CELSR1: variants seen among roughly 807,000 people sequenced by gnomAD.
CELSR1 encodes cadherin EGF LAG seven-pass G-type receptor 1.
Under a neutral mutation model 249.1 loss-of-function variants are expected in CELSR1, and 110 were observed. That is an observed-to-expected ratio of 0.44 (90% confidence interval 0.38 to 0.52). The LOEUF (loss-of-function observed/expected upper bound fraction) is 0.52, where lower values mean the gene tolerates loss of function less well. Ranked by LOEUF, CELSR1 falls within the 20% of genes least tolerant of loss-of-function variation. CELSR1 has a pLI of 0.00. For synonymous variants in CELSR1, 2,113 were observed against 1,900.0 expected, an observed-to-expected ratio of 1.11 and a Z score of -2.92; for missense variants, 4,109 against 4,296.4, an observed-to-expected ratio of 0.96 and a Z score of 1.22.
intron 2 of CELSR1, among the ~76,000 whole-genome samples, chr22:46,456,640 G>C (rs1212876238): frequency 7.1e-6 from 1 of 140,948 alleles, no homozygotes; most frequent in South Asian, 2.3e-4. Flanking sequence ...TTCAGCCTGG[G>C]CGACAGAGCG....
At chr22:46,420,150 A>G (rs543688029) in intron 5 of CELSR1, among the ~76,000 whole-genome samples, 1 of 150,034 alleles carries the variant, frequency 6.7e-6, no homozygotes, top group East Asian at 2.0e-4. Flanking sequence ...ACCCACTCAA[A>G]TGTGCCCTCA....
rs1193492287 is a variant in CELSR1 at position 46,429,897 on chromosome 22, C to G, written c.4611+3496G>C. Among the ~76,000 whole-genome samples the G allele has an allele frequency of 6.6e-6, 1 of 152,258 alleles. No individual in the cohort carries two copies. Among genetic ancestry groups the G allele is most frequent in the Admixed American group, 6.5e-5 (1 of 15,290 alleles). ...ACTGCCTCCAGCCCTGGGTCCCACA[C>G]CGCCTCTCATGGATGCCCCATGCCC... On this transcript the variant is annotated intron_variant, in intron 5 of 34. Transcript: ENST00000674500. The surrounding 1 kb of genome is among the most constrained non-coding windows in gnomAD (Gnocchi z 4.1).
chr22:46,454,430 C>T lies in CELSR1; in HGVS notation c.4183+9277G>A, dbSNP rs529095662. On this transcript the variant is annotated intron_variant, in intron 2 of 34. Coordinates refer to ENST00000674500, the MANE Select transcript of CELSR1 (RefSeq NM_001378328.1). This position sits in a 1 kb window ranked among gnomAD's most constrained non-coding sequence, Gnocchi z 5.1. ...GCAGAAGCAGCATCCCTCCAGTGCACGCACAGACGCCCATGACCCGCAGCC... is the reference window on the plus strand; with the variant it reads ...GCAGAAGCAGCATCCCTCCAGTGCATGCACAGACGCCCATGACCCGCAGCC... 1.3e-5 allele frequency among the ~76,000 whole-genome samples: 2 copies of T among 152,342 alleles called. No homozygotes were observed. The highest frequency in any genetic ancestry group is 1.9e-4 in the East Asian group (1 of 5,186).
In CELSR1 at chr22:46,397,727, G is replaced by T. The variant is rs369237672; in HGVS notation, c.5648C>A (p.Pro1883His). 3.8e-6 allele frequency: 6 copies of T among 1,588,496 alleles called. No homozygotes were observed. The African/African-American group carries it at 6.7e-5, about 18-fold the overall frequency. Residue 1883 changes from proline (P) to histidine (H), a missense_variant, in exon 12 of 35, where the codon CCC (proline) becomes CAC (histidine). By Grantham distance (77) the Pro-to-His change is moderately conservative (BLOSUM62 -2). Around this residue, in one of 7 missense-constraint regions of CELSR1, gnomAD observed 1,805 missense variants for 1,831.6 expected, o/e 0.99. Transcript: ENST00000674500. Reference sequence around the variant, plus strand: ...CCAGGCGTCGTGGCAGCGGCTATTGGGGGGACAGGGGCTCGAGGTACAGGG... The same window carrying T: ...CCAGGCGTCGTGGCAGCGGCTATTGTGGGGACAGGGGCTCGAGGTACAGGG... ...DDPCTSSPCP[P>H]NSRCHDAWED...
Position 46,534,679 on chromosome 22 carries a change from G to A in CELSR1, c.2492C>T (p.Pro831Leu), listed in dbSNP as rs1015224503. Residue 831 changes from proline to leucine, a missense_variant, in exon 1 of 35, where the codon CCC (proline) becomes CTC (leucine). Transcript: ENST00000674500. This position sits in a 1 kb window ranked among gnomAD's most constrained non-coding sequence, Gnocchi z 9.7. ...GGGGTCAATGCGGAACTGCGGCACG[G>A]GGTCCTGAATCACGTAGGTGATGCG... The part of the protein sequence containing the change: ...NARITYVIQD[P>L]VPQFRIDPDS... The A allele has an allele frequency of 3.7e-6, 6 of 1,613,564 alleles. No homozygotes were observed. Among genetic ancestry groups the A allele is most frequent in the East Asian group, 2.2e-5 (1 of 44,888 alleles).
rs1005020996 is a variant in CELSR1 at position 46,527,787 on chromosome 22, T to G, written c.3544+5840A>C. 6.6e-6 allele frequency among the ~76,000 whole-genome samples: 1 copy of G among 152,198 alleles called. No homozygotes were observed. Reference sequence around the variant, plus strand: ...CACTGGCAGAATCCTGCTTGGCCACTGAAGCAATTTAAGATGGTCCGACCC... The same window carrying G: ...CACTGGCAGAATCCTGCTTGGCCACGGAAGCAATTTAAGATGGTCCGACCC... On this transcript the variant is annotated intron_variant, in intron 1 of 34. Coordinates refer to ENST00000674500, the MANE Select transcript of CELSR1 (RefSeq NM_001378328.1). The surrounding 1 kb of genome is among the most constrained non-coding windows in gnomAD (Gnocchi z 5.5).
intron 20 of CELSR1, among the ~76,000 whole-genome samples, chr22:46,383,088 TGGC>T (rs1325817675): frequency 1.3e-5 from 2 of 152,138 alleles, no homozygotes; most frequent in Non-Finnish European, 2.9e-5. Flanking sequence ...CCCCCAGGAA[TGGC>T]TTGGTGCCCC....
chr22:46,511,572 G>A (rs1453329568), intron 1 of CELSR1, among the ~76,000 whole-genome samples: 1 of 152,208 alleles, frequency 6.6e-6, no homozygotes, highest in Non-Finnish European at 1.5e-5. Flanking sequence ...TTCGGGCCAG[G>A]CACCCAAAGC....
chr22:46,399,993 G>A lies in CELSR1; in HGVS notation c.5227-91C>T, dbSNP rs2079194281. ...TCACTTAAACAAGGAAGCTGTGAAAGGAGACTGATTATGTGGCACCAGATA... is the reference window on the plus strand; with the variant it reads ...TCACTTAAACAAGGAAGCTGTGAAAAGAGACTGATTATGTGGCACCAGATA... On this transcript the variant is annotated intron_variant, in intron 9 of 34. Coordinates refer to ENST00000674500, the MANE Select transcript of CELSR1 (RefSeq NM_001378328.1). The surrounding 1 kb of genome is among the most constrained non-coding windows in gnomAD (Gnocchi z 5.0). The A allele has an allele frequency of 6.0e-6, 8 of 1,335,062 alleles. No homozygotes were observed. The highest frequency in any genetic ancestry group is 4.8e-5 in the East Asian group (2 of 41,376). The allele number at this position is 1,335,062 out of a possible 1,614,324, so 82.7% of individuals were successfully genotyped here. A position where few individuals can be genotyped will look rare whatever the true frequency, so the allele number is the denominator to read the frequency against.
chr22:46,455,943 C>T (rs1401378544), intron 2 of CELSR1, among the ~76,000 whole-genome samples: 1 of 152,222 alleles, frequency 6.6e-6, no homozygotes, highest in Non-Finnish European at 1.5e-5. Context: ...AATCTCAAAA[C>T]CTGGACTCTG....
In CELSR1 at chr22:46,398,658, G is replaced by A. The variant is rs766631655; in HGVS notation, c.5413-21C>T. ...TTGTTCTGTGCGGAGAGAGGGGCCG[G>A]GGATCTGGGGGCTGCATCCACCATC... On this transcript the variant is annotated intron_variant, in intron 10 of 34. Coordinates refer to ENST00000674500, the MANE Select transcript of CELSR1 (RefSeq NM_001378328.1). This position sits in a 1 kb window ranked among gnomAD's most constrained non-coding sequence, Gnocchi z 7.2. The A allele has an allele frequency of 6.4e-7, 1 of 1,574,114 alleles. No individual in the cohort carries two copies. Among genetic ancestry groups the A allele is most frequent in the Non-Finnish European group, 8.7e-7 (1 of 1,154,274 alleles).
intron 2 of CELSR1, among the ~76,000 whole-genome samples, chr22:46,451,499 G>A (rs991676611): frequency 7.9e-5 from 12 of 152,240 alleles, no homozygotes; most frequent in African/African-American, 1.2e-4. Flanking sequence ...GCTGAGGGCT[G>A]GAAACCCTGC....
chr22:46,485,821 G>A (rs386466842), intron 1 of CELSR1, among the ~76,000 whole-genome samples: 247 of 152,078 alleles, frequency 1.6e-3, no homozygotes, highest in Non-Finnish European at 3.0e-3. Flanking sequence ...TTCTGCAAAC[G>A]TGAACCCGTT....
intron 1 of CELSR1, among the ~76,000 whole-genome samples, chr22:46,519,934 C>T (rs926633081): frequency 6.6e-6 from 1 of 151,158 alleles, no homozygotes; most frequent in Non-Finnish European, 1.5e-5. Flanking sequence ...TGCAGTGGCG[C>T]AACCTCAGCT....
At chr22:46,469,901 G>A (rs1271839015) in intron 1 of CELSR1, among the ~76,000 whole-genome samples, 1 of 101,464 alleles carries the variant, frequency 9.9e-6, no homozygotes, top group African/African-American at 3.8e-5. Context: ...TGTTCCTGCT[G>A]CATCCGTCAC....
Position 46,464,298 on chromosome 22 carries a change from T to C in CELSR1, c.3592A>G (p.Ile1198Val). 1 of 1,613,450 alleles carries C rather than the reference T, an allele frequency of 6.2e-7. No individual in the cohort carries two copies. Among genetic ancestry groups the C allele is most frequent in the Non-Finnish European group, 8.5e-7 (1 of 1,180,024 alleles). ...CTGTTGGTCAGCATGTCGTCCGTGA[T>C]GATGGTGACACGCAGGGTGCAGAAG... ...TAFCTLRVTI[I>V]TDDMLTNSIT... Residue 1198 changes from isoleucine (I) to valine (V), a missense_variant, in exon 2 of 35, where the codon ATC (isoleucine) becomes GTC (valine). Transcript: ENST00000674500. This position sits in a 1 kb window ranked among gnomAD's most constrained non-coding sequence, Gnocchi z 8.5.
At chr22:46,515,611 C>A (rs1455484693) in intron 1 of CELSR1, among the ~76,000 whole-genome samples, 6 of 152,162 alleles carry the variant, frequency 3.9e-5, no homozygotes, top group Admixed American at 3.9e-4. Flanking sequence ...GGACGGGCCT[C>A]AGTCACACAG....
intron 1 of CELSR1, among the ~76,000 whole-genome samples, chr22:46,531,849 G>A (rs1424552561): frequency 1.3e-5 from 2 of 152,160 alleles, no homozygotes; most frequent in African/African-American, 4.8e-5. Context: ...GTGTTGGGGC[G>A]GTGGTGGTCT....
chr22:46,371,947 C>G lies in CELSR1; in HGVS notation c.7759+936G>C, dbSNP rs570826878. On this transcript the variant is annotated intron_variant, in intron 25 of 34. Coordinates refer to ENST00000674500, the MANE Select transcript of CELSR1 (RefSeq NM_001378328.1). ...CACCCATCTGCTCACTCACTCAGCC[C>G]TTCATCCCTCCCATCCATCCACTCA... 2.4e-3 allele frequency among the ~76,000 whole-genome samples: 358 copies of G among 150,766 alleles called. 4 individuals are homozygous for G. Among genetic ancestry groups the G allele is most frequent in the African/African-American group, 8.6e-3 (350 of 40,792 alleles).
Sources: allele counts gnomAD v4.1 joint callset (sites outside exome capture counted in the v4.1 genomes callset), GRCh38; gene constraint gnomAD v4.1.1; regional missense constraint gnomAD v4.1.1; non-coding constraint Gnocchi (gnomAD v3.1); transcripts MANE v1.5; gene names NCBI Gene and HGNC (gene_info 2026-07-23, HGNC 2026-07-21).